RBM27: variants seen among roughly 807,000 people sequenced by gnomAD.
RBM27 encodes RNA binding motif protein 27.
In RBM27, 22 loss-of-function variants were observed where a neutral mutation model predicts 135.3. The observed-to-expected ratio is 0.16, with a 90% confidence interval of 0.12 to 0.23. The LOEUF (loss-of-function observed/expected upper bound fraction) is 0.23. Among genes scored for constraint, RBM27 ranks in the 10% least tolerant of loss-of-function variants. The probability of loss-of-function intolerance (pLI) is 1.00; values close to 1 mark genes in which losing one functional copy is unlikely to be tolerated. For synonymous variants in RBM27, 481 were observed against 442.4 expected (o/e 1.09, Z -1.10); for missense variants, 1,009 against 1,281.0 (o/e 0.79, Z 3.24).
chr5:146,253,194 T>C lies in RBM27; in HGVS notation c.1444+1319T>C, dbSNP rs552851332. 3.2e-3 allele frequency among the ~76,000 whole-genome samples: 489 copies of C among 151,990 alleles called. 4 individuals are homozygous for C. The highest frequency in any genetic ancestry group is 0.011 in the African/African-American group (471 of 41,432). The stretch of plus-strand genomic sequence containing the variant: ...TGTATTTTTAGTAGAGACGGGGTTT[T>C]GCCATGTTGGTCAGGCTGGTCTCGA... On this transcript the variant is annotated intron_variant, in intron 9 of 20. Coordinates refer to ENST00000265271, the MANE Select transcript of RBM27 (RefSeq NM_018989.2).
chr5:146,256,278 CAT>C (rs1241680559), intron 10 of RBM27, among the ~76,000 whole-genome samples: 1 of 145,560 alleles, frequency 6.9e-6, no homozygotes, highest in Non-Finnish European at 1.5e-5. Flanking sequence ...AATGCCTTCT[CAT>C]ATATATATAT....
At chr5:146,259,829 C>T (rs552317544) in intron 11 of RBM27, among the ~76,000 whole-genome samples, 30 of 149,580 alleles carry the variant, frequency 2.0e-4, no homozygotes, top group Admixed American at 1.3e-3. Context: ...AAAAATTAGC[C>T]GGGCGCAGTG....
intron 8 of RBM27, among the ~76,000 whole-genome samples, chr5:146,243,635 A>G (rs996499223): frequency 6.6e-6 from 1 of 152,242 alleles, no homozygotes; most frequent in East Asian, 1.9e-4. Context: ...TAGAAGTTTG[A>G]TTCAAATAAA....
In RBM27 at chr5:146,231,950, G is replaced by A. The variant is rs573037738; in HGVS notation, c.850+1033G>A. Among the ~76,000 whole-genome samples the A allele has an allele frequency of 5.9e-5, 9 of 152,192 alleles. No homozygotes were observed. In the South Asian group the frequency reaches 1.0e-3, roughly 18 times the overall value. On this transcript the variant is annotated intron_variant, in intron 6 of 20. Transcript: ENST00000265271. ...ATTTTTTTGAGTAGTGTTTGCTGCC[G>A]GGAATTTGTAGAAGTTACTTACAAG...
intron 3 of RBM27, among the ~76,000 whole-genome samples, chr5:146,226,282 C>T (rs978736514): frequency 7.3e-5 from 11 of 151,668 alleles, no homozygotes; most frequent in African/African-American, 9.7e-5. Context: ...TTTTTTGTAA[C>T]GTGTTTTTTA....
chr5:146,240,702 C>A (rs766957276), intron 8 of RBM27, among the ~76,000 whole-genome samples: 31 of 152,192 alleles, frequency 2.0e-4, no homozygotes, highest in Middle Eastern at 3.4e-3. Context: ...TATAGGCCTA[C>A]TGTTTGATTT....
chr5:146,222,493 G>A (rs1165545298), intron 2 of RBM27, among the ~76,000 whole-genome samples: 5 of 152,156 alleles, frequency 3.3e-5, no homozygotes, highest in Non-Finnish European at 5.9e-5. Context: ...AGACCAGCTT[G>A]GCCAACATGG....
chr5:146,211,727 C>G (rs558443562), intron 1 of RBM27, among the ~76,000 whole-genome samples: 173 of 151,762 alleles, frequency 1.1e-3, no homozygotes, highest in Admixed American at 3.2e-3. Flanking sequence ...GTAATCCGCC[C>G]CTGGGATTAC....
chr5:146,266,018 T>C (rs768650909), intron 14 of RBM27, among the ~76,000 whole-genome samples: 2 of 152,168 alleles, frequency 1.3e-5, no homozygotes, highest in South Asian at 2.1e-4. Flanking sequence ...AGCCCAGTCA[T>C]TGAGCATCCC....
At chr5:146,268,245 C>CTT (rs35589922) in intron 15 of RBM27, among the ~76,000 whole-genome samples, 72 of 142,256 alleles carry the variant, frequency 5.1e-4, no homozygotes, top group Admixed American at 1.3e-3. Flanking sequence ...TTTCTTATTT[C>CTT]TTTTTTTTTT....
chr5:146,228,921 A>T (rs1457813293), intron 3 of RBM27, 25 bp from the exon 4 acceptor site: 3 of 1,600,654 alleles, frequency 1.9e-6, no homozygotes, highest in East Asian at 2.2e-5. Flanking sequence ...CCCTGCTCTT[A>T]CTTCTACTCA....
chr5:146,284,638 CAAAATTTAA>C lies in RBM27; in HGVS notation c.3007_3015del (p.Lys1003_Lys1005del). ...ATATTTTAGACCGCAAACCAAGGGC[CAAAATTTAA>C]AGACCGTCGGCTACAGATATCATGG... On this transcript the variant is annotated inframe_deletion, in exon 20 of 21. Transcript: ENST00000265271. The C allele has an allele frequency of 6.2e-7, 1 of 1,612,280 alleles. No individual in the cohort carries two copies. Among genetic ancestry groups the C allele is most frequent in the Non-Finnish European group, 8.5e-7 (1 of 1,178,996 alleles).
At chr5:146,235,646 G>GT (rs199849660) in intron 7 of RBM27, among the ~76,000 whole-genome samples, 3 of 149,134 alleles carry the variant, frequency 2.0e-5, no homozygotes, top group African/African-American at 5.0e-5. Context: ...ACATGTTGTT[G>GT]TTTTTTTTTA....
At chr5:146,235,865 A>G (rs1260949696) in intron 7 of RBM27, among the ~76,000 whole-genome samples, 2 of 151,562 alleles carry the variant, frequency 1.3e-5, no homozygotes, top group East Asian at 1.9e-4. Context: ...ATTTTTTTGG[A>G]CTTTTTTGTA....
rs201464624 is a variant in RBM27, at chr5:146,228,278, C to CTTT, written c.304-667_304-665dup. On this transcript the variant is annotated intron_variant, in intron 3 of 20. Transcript: ENST00000265271. ...TTTCATAATTTATAGAGGGACCATT[C>CTTT]TTTCTTTTTTTTTTTTTTTTTTTTG... 1.5e-3 allele frequency among the ~76,000 whole-genome samples: 170 copies of CTTT among 116,734 alleles called. 6 individuals carry two copies. The highest frequency in any genetic ancestry group is 2.1e-3 in the African/African-American group (60 of 28,550). The allele number at this position is 116,734 out of a possible 152,430, so 76.6% of individuals were successfully genotyped here.
At chr5:146,261,933 C>T in intron 13 of RBM27, 127 bp downstream of exon 13, 1 of 922,080 alleles carries the variant, frequency 1.1e-6, no homozygotes, top group East Asian at 2.6e-5. Flanking sequence ...CCAGTAGCAT[C>T]TGATCTCCTG....
Position 146,284,705 on chromosome 5 carries a change from G to A in RBM27, c.3072G>A (p.Glu1024=). The change falls in exon 20 of 21, where the codon GAG becomes GAA. Residue 1024 remains glutamate, a synonymous_variant. Coordinates refer to ENST00000265271, the MANE Select transcript of RBM27 (RefSeq NM_018989.2). The part of the protein sequence containing the change: ...HKPKVPSIST[E]TEEEEVKEEE... ...CCAAGGTACCATCTATATCCACTGA[G>A]ACTGAAGAAGAAGAAGTCAAGGAGG... 1 of 1,611,272 alleles carries A rather than the reference G, an allele frequency of 6.2e-7. No homozygotes were observed.
chr5:146,269,156 G>T, intron 15 of RBM27, 51 bp from the exon 16 acceptor site: 1 of 1,374,306 alleles, frequency 7.3e-7, no homozygotes, highest in South Asian at 1.3e-5. Flanking sequence ...AATGAGTTGA[G>T]AATGGTGGCA....
At chr5:146,242,597 A>T (rs1347977666) in intron 8 of RBM27, among the ~76,000 whole-genome samples, 4 of 151,936 alleles carry the variant, frequency 2.6e-5, no homozygotes, top group Non-Finnish European at 4.4e-5. Flanking sequence ...TCATAAGTTT[A>T]TTTATTTATT....
Sources: gnomAD v4.1 joint callset for allele counts (sites outside exome capture counted in the v4.1 genomes callset) on GRCh38, gnomAD v4.1.1 for gene constraint, MANE v1.5 for transcripts, NCBI Gene and HGNC (gene_info 2026-07-23, HGNC 2026-07-21) for gene names.